Variants in PPFIBP2 observed in about 807,000 individuals in gnomAD.
PPFIBP2 encodes PPFIB scaffold protein 2.
PPFIBP2 carries 118 observed loss-of-function variants against 118.3 expected under a neutral mutation model. The ratio of observed to expected loss-of-function variants is 1.00; its 90% CI spans 0.86 to 1.16. PPFIBP2 has a LOEUF of 1.16. Among genes scored for constraint, PPFIBP2 ranks in the 50% most tolerant of loss-of-function variants. The probability of loss-of-function intolerance (pLI) is 0.00; values close to 1 mark genes in which losing one functional copy is unlikely to be tolerated. For missense variants in PPFIBP2, 1,195 were observed against 1,073.1 expected, an observed-to-expected ratio of 1.11 and a Z score of -1.59; for synonymous variants, 414 against 397.4, an observed-to-expected ratio of 1.04 and a Z score of -0.50.
chr11:7,514,799 T>C (rs1405728071), intron 1 of PPFIBP2, among the ~76,000 whole-genome samples: 2 of 152,228 alleles, frequency 1.3e-5, no homozygotes, highest in Non-Finnish European at 2.9e-5. Flanking sequence ...TTCCAGCGTT[T>C]GGATAGGATT....
At chr11:7,554,090 C>A (rs1853298919) in intron 2 of PPFIBP2, among the ~76,000 whole-genome samples, 2 of 152,190 alleles carry the variant, frequency 1.3e-5, no homozygotes, top group Admixed American at 6.5e-5. Context: ...ACATTTAAAT[C>A]TTCCTCTCTT....
intron 3 of PPFIBP2, among the ~76,000 whole-genome samples, chr11:7,569,980 G>C (rs1855470022): frequency 6.6e-6 from 1 of 152,158 alleles, no homozygotes. Context: ...CTCATCAGTG[G>C]CCCTGGCATA....
intron 3 of PPFIBP2, among the ~76,000 whole-genome samples, chr11:7,574,626 G>A (rs1395739392): frequency 4.6e-5 from 7 of 152,184 alleles, no homozygotes; most frequent in Non-Finnish European, 5.9e-5. Context: ...GCCCTGGACA[G>A]GATGGACTTC....
At chr11:7,634,443 A>C in intron 12 of PPFIBP2, 52 bp from the exon 13 acceptor site, 1 of 1,403,772 alleles carries the variant, frequency 7.1e-7, no homozygotes, top group Non-Finnish European at 1.0e-6. Flanking sequence ...TGCATGAGTG[A>C]TAACATGTAC....
At chr11:7,611,905 G>A (rs1848117632) in intron 6 of PPFIBP2, among the ~76,000 whole-genome samples, 3 of 152,204 alleles carry the variant, frequency 2.0e-5, no homozygotes, top group Admixed American at 2.0e-4. Flanking sequence ...TAAATGTTGA[G>A]GGAGAAGTAA....
chr11:7,607,724 T>C (rs935661906), intron 5 of PPFIBP2, among the ~76,000 whole-genome samples: 2 of 152,232 alleles, frequency 1.3e-5, no homozygotes, highest in Non-Finnish European at 2.9e-5. Context: ...CTTGTTCCTT[T>C]TCCCCTTTGC....
chr11:7,649,101 C>T, intron 19 of PPFIBP2, 46 bp from the exon 20 acceptor site: 1 of 1,563,432 alleles, frequency 6.4e-7, no homozygotes, highest in South Asian at 1.1e-5. Flanking sequence ...TCTACATTCT[C>T]TCATTCTCAT....
At chr11:7,590,597 T>C (rs1403763912) in intron 3 of PPFIBP2, among the ~76,000 whole-genome samples, 1 of 152,226 alleles carries the variant, frequency 6.6e-6, no homozygotes, top group African/African-American at 2.4e-5. Context: ...TCAAATATAT[T>C]TTAATTACTC....
chr11:7,577,456 G>C (rs1421037437), intron 3 of PPFIBP2: 15 of 420,642 alleles, frequency 3.6e-5, no homozygotes, highest in Non-Finnish European at 6.7e-5. Flanking sequence ...GGCCAGGGAA[G>C]TGGGGAAATT....
rs556328242 is a variant in PPFIBP2 at position 7,579,178 on chromosome 11, C to T, written c.279+13411C>T. Among the ~76,000 whole-genome samples the T allele has an allele frequency of 3.3e-5, 5 of 152,248 alleles. No homozygotes were observed. The South Asian group carries it at 1.0e-3, about 32-fold the overall frequency. On this transcript the variant is annotated intron_variant, in intron 3 of 23. Transcript: ENST00000299492. ...GCTTGGAGGGATGGGATAGTACAAA[C>T]CCCTCATTTAACAAAGCCCAAGAGG...
intron 10 of PPFIBP2, among the ~76,000 whole-genome samples, chr11:7,629,787 T>C (rs1342495129): frequency 6.6e-6 from 1 of 152,206 alleles, no homozygotes; most frequent in Non-Finnish European, 1.5e-5. Context: ...AGCTTGTGAA[T>C]TCCCCACCCT....
chr11:7,549,688 T>A, intron 2 of PPFIBP2, 149 bp downstream of exon 2: 1 of 825,480 alleles, frequency 1.2e-6, no homozygotes, highest in Non-Finnish European at 1.8e-6. Flanking sequence ...GTATGTAATC[T>A]CTTTTTTTTC....
At position 7,653,476 on chromosome 11, in the gene PPFIBP2, T is replaced by C. The variant is rs1309254340; in HGVS notation, c.*258T>C. The C allele has an allele frequency of 6.9e-7, 1 of 1,459,548 alleles. No individual in the cohort carries two copies. The highest frequency in any genetic ancestry group is 3.0e-5 in the East Asian group (1 of 33,804). The allele number at this position is 1,459,548 out of a possible 1,614,324, so 90.4% of individuals were successfully genotyped here. Reference sequence around the variant, plus strand: ...ACACTTAAAGACACTTTTACATGTCTAGTAATTCTTGATGTTCATCTTCAG... The same window carrying C: ...ACACTTAAAGACACTTTTACATGTCCAGTAATTCTTGATGTTCATCTTCAG... On this transcript the variant is annotated 3_prime_UTR_variant, in exon 24 of 24. Coordinates refer to ENST00000299492, the MANE Select transcript of PPFIBP2 (RefSeq NM_003621.5).
downstream of PPFIBP2, among the ~76,000 whole-genome samples, chr11:7,661,018 T>C (rs1854879203): frequency 6.6e-6 from 1 of 151,778 alleles, no homozygotes; most frequent in Non-Finnish European, 1.5e-5. Flanking sequence ...TTTTATTGTG[T>C]CTATTTGATT....
chr11:7,601,281 G>T (rs1177155212), intron 5 of PPFIBP2, among the ~76,000 whole-genome samples: 2 of 152,172 alleles, frequency 1.3e-5, no homozygotes, highest in African/African-American at 4.8e-5. Context: ...AACTCATCCA[G>T]CCTCCAGAAA....
downstream of PPFIBP2, among the ~76,000 whole-genome samples, chr11:7,658,267 G>C (rs1380549095): frequency 6.9e-6 from 1 of 144,940 alleles, no homozygotes; most frequent in Non-Finnish European, 1.5e-5. Context: ...TCTAGCATTA[G>C]GTATATCTCC....
chr11:7,597,098 C>T, intron 4 of PPFIBP2: 1 of 1,293,114 alleles, frequency 7.7e-7, no homozygotes, highest in African/African-American at 1.5e-5. Context: ...AAACACTCAC[C>T]TGATAGGTGA....
At chr11:7,658,210 T>C (rs1303828534), downstream of PPFIBP2, among the ~76,000 whole-genome samples, 1 of 151,388 alleles carries the variant, frequency 6.6e-6, no homozygotes, top group Admixed American at 6.6e-5. Context: ...GTTAGTTACA[T>C]ATGTATACAT....
chr11:7,612,983 G>A (rs925810581), intron 6 of PPFIBP2, among the ~76,000 whole-genome samples: 13 of 152,188 alleles, frequency 8.5e-5, no homozygotes, highest in Non-Finnish European at 1.6e-4. Context: ...GGTTGTAATT[G>A]CATGAATAAA....
Sources: allele counts gnomAD v4.1 joint callset (sites outside exome capture counted in the v4.1 genomes callset), GRCh38; gene constraint gnomAD v4.1.1; transcripts MANE v1.5; gene names NCBI Gene and HGNC (gene_info 2026-07-23, HGNC 2026-07-21).